CNTLN: variants seen among roughly 807,000 people sequenced by gnomAD.
CNTLN encodes the protein centlein, centrosomal protein.
Under a neutral mutation model 180.0 loss-of-function variants are expected in CNTLN, and 212 were observed. The observed-to-expected ratio is 1.18, with a 90% CI of 1.05 to 1.32. CNTLN has a LOEUF of 1.32. Among genes scored for constraint, CNTLN ranks in the 40% most tolerant of loss-of-function variants. The pLI, the probability that CNTLN is intolerant of heterozygous loss-of-function variation, is 0.00. For missense variants in CNTLN, 2,095 were observed against 1,610.9 expected (o/e 1.30, Z -5.14); for synonymous variants, 722 against 563.1 (o/e 1.28, Z -3.99).
chr9:17,195,763 T>A (rs1217666713), intron 2 of CNTLN, among the ~76,000 whole-genome samples: 1 of 151,966 alleles, frequency 6.6e-6, no homozygotes, highest in African/African-American at 2.4e-5. Context: ...CTGACATCCC[T>A]TATTGACTAA....
chr9:17,334,420 T>TACACACACACACACAC (rs56376464), intron 10 of CNTLN, among the ~76,000 whole-genome samples: 1 of 149,720 alleles, frequency 6.7e-6, no homozygotes, highest in African/African-American at 2.5e-5. Flanking sequence ...GCCAATAGAA[T>TACACACACACACACAC]ACACACACAC....
At chr9:17,437,834 T>C (rs1829868013) in intron 18 of CNTLN, among the ~76,000 whole-genome samples, 1 of 152,224 alleles carries the variant, frequency 6.6e-6, no homozygotes, top group Non-Finnish European at 1.5e-5. Context: ...TGTGTGTATA[T>C]ATAACATGGA....
At chr9:17,298,807 A>AT (rs1459616833) in intron 7 of CNTLN, 1 of 985,756 alleles carries the variant, frequency 1.0e-6, no homozygotes, top group Non-Finnish European at 1.2e-6. Flanking sequence ...ATTTTCCAGG[A>AT]TTTTTCTCTG....
intron 12 of CNTLN, among the ~76,000 whole-genome samples, chr9:17,350,755 C>T (rs1392277796): frequency 6.6e-6 from 1 of 152,058 alleles, no homozygotes; most frequent in Non-Finnish European, 1.5e-5. Flanking sequence ...CTTAAAAAGC[C>T]ACTCAGTCCA....
chr9:17,351,388 A>G (rs1356500163), intron 12 of CNTLN, among the ~76,000 whole-genome samples: 1 of 152,154 alleles, frequency 6.6e-6, no homozygotes, highest in Non-Finnish European at 1.5e-5. Flanking sequence ...AGTATATCCA[A>G]ATGTCTACAC....
At chr9:17,479,931 C>A (rs917375017) in intron 23 of CNTLN, among the ~76,000 whole-genome samples, 1 of 152,090 alleles carries the variant, frequency 6.6e-6, no homozygotes, top group Admixed American at 6.6e-5. Flanking sequence ...AATATGGTAT[C>A]CTGGGACTAG....
chr9:17,239,910 C>A (rs1483121065), intron 5 of CNTLN, among the ~76,000 whole-genome samples: 1 of 152,072 alleles, frequency 6.6e-6, no homozygotes, highest in Non-Finnish European at 1.5e-5. Flanking sequence ...ATGTGTCCTC[C>A]ATATTTTTTC....
At chr9:17,486,864 A>T (rs937637074) in intron 24 of CNTLN, 125 bp from the exon 25 acceptor site, 2 of 584,464 alleles carry the variant, frequency 3.4e-6, no homozygotes, top group Non-Finnish European at 6.0e-6. Context: ...CTACTTTGAG[A>T]TGACAGACTG....
Position 17,423,986 on chromosome 9 carries a change from T to A in CNTLN, c.3114+7797T>A, listed in dbSNP as rs10963093. Among the ~76,000 whole-genome samples, 1,252 of 152,274 alleles carry A rather than the reference T, an allele frequency of 8.2e-3. 13 individuals are homozygous for A. The highest frequency in any genetic ancestry group is 0.028 in the African/African-American group (1,151 of 41,566). ...CCAGCTTTTAACCTGGTTTGCCTGATTGCTTACCTGAATTTTGGTTCTTAG... is the reference window on the plus strand; with the variant it reads ...CCAGCTTTTAACCTGGTTTGCCTGAATGCTTACCTGAATTTTGGTTCTTAG... On this transcript the variant is annotated intron_variant, in intron 18 of 25. Coordinates refer to ENST00000380647, the MANE Select transcript of CNTLN (RefSeq NM_017738.4).
At chr9:17,252,698 A>C (rs1295687143) in intron 5 of CNTLN, among the ~76,000 whole-genome samples, 1 of 151,552 alleles carries the variant, frequency 6.6e-6, no homozygotes, top group Non-Finnish European at 1.5e-5. Context: ...TGCTACTTTG[A>C]AGATTGTCTG....
At chr9:17,215,351 A>C (rs1823663637) in intron 2 of CNTLN, among the ~76,000 whole-genome samples, 1 of 152,210 alleles carries the variant, frequency 6.6e-6, no homozygotes, top group African/African-American at 2.4e-5. Context: ...TCAGCAGCGG[A>C]GGCTGCAGAA....
intron 5 of CNTLN, among the ~76,000 whole-genome samples, chr9:17,267,338 AT>A (rs552574390): frequency 6.6e-6 from 1 of 151,816 alleles, no homozygotes; most frequent in Admixed American, 6.6e-5. Context: ...GTTGAAAATT[AT>A]TTTTTTTAAG....
chr9:17,372,654 C>A (rs1389018542), intron 13 of CNTLN, among the ~76,000 whole-genome samples: 1 of 152,090 alleles, frequency 6.6e-6, no homozygotes, highest in African/African-American at 2.4e-5. Context: ...GATACCAAAA[C>A]CAGACAAAGA....
At chr9:17,218,321 T>A (rs947081086) in intron 2 of CNTLN, among the ~76,000 whole-genome samples, 1 of 152,186 alleles carries the variant, frequency 6.6e-6, no homozygotes, top group African/African-American at 2.4e-5. Flanking sequence ...TGAATTATTT[T>A]TATTCCACAT....
chr9:17,194,580 G>C (rs10962897), intron 2 of CNTLN, among the ~76,000 whole-genome samples: 50,521 of 151,910 alleles, frequency 0.33, 10,975 homozygotes, highest in African/African-American at 0.61. Context: ...ATCCATATCA[G>C]TATCAGCATT....
At chr9:17,304,701 GA>G (rs1334731895) in intron 7 of CNTLN, among the ~76,000 whole-genome samples, 11 of 151,472 alleles carry the variant, frequency 7.3e-5, no homozygotes, top group African/African-American at 1.5e-4. Context: ...AAATATTTGG[GA>G]AAAAAATGAA....
At chr9:17,270,466 T>C (rs964944903) in intron 5 of CNTLN, among the ~76,000 whole-genome samples, 4 of 152,162 alleles carry the variant, frequency 2.6e-5, no homozygotes, top group African/African-American at 7.2e-5. Context: ...CCAAATCATC[T>C]CAATAAATTA....
chr9:17,490,000 T>G (rs1330627640), intron 25 of CNTLN, among the ~76,000 whole-genome samples: 1 of 152,178 alleles, frequency 6.6e-6, no homozygotes, highest in Non-Finnish European at 1.5e-5. Context: ...TTGTAATTTA[T>G]GGCAGAGACA....
intron 5 of CNTLN, among the ~76,000 whole-genome samples, chr9:17,271,277 G>T (rs1429097505): frequency 6.6e-6 from 1 of 151,982 alleles, no homozygotes; most frequent in Non-Finnish European, 1.5e-5. Context: ...ATGATTTGTG[G>T]GGGCGCACCA....
Sources: gnomAD v4.1 joint callset for allele counts (sites outside exome capture counted in the v4.1 genomes callset) on GRCh38, gnomAD v4.1.1 for gene constraint, MANE v1.5 for transcripts, NCBI Gene and HGNC (gene_info 2026-07-23, HGNC 2026-07-21) for gene names.